Variants in MAP3K5 observed in about 807,000 individuals in gnomAD.
MAP3K5 encodes the protein ASK-1.
Under a neutral mutation model 158.7 loss-of-function variants are expected in MAP3K5, and 56 were observed. The ratio of observed to expected loss-of-function variants is 0.35; its 90% CI spans 0.28 to 0.44. The LOEUF is 0.44. Among genes scored for constraint, MAP3K5 ranks in the 20% least tolerant of loss-of-function variants. MAP3K5 has a pLI of 1.00. For synonymous variants in MAP3K5, 579 were observed against 601.7 expected, an observed-to-expected ratio of 0.96 and a Z score of 0.55; for missense variants, 1,294 against 1,674.8, an observed-to-expected ratio of 0.77 and a Z score of 3.97.
chr6:136,603,049 T>C (rs1190124303), intron 19 of MAP3K5, among the ~76,000 whole-genome samples: 3 of 152,158 alleles, frequency 2.0e-5, no homozygotes, highest in Non-Finnish European at 4.4e-5. Context: ...TGTAAATTCA[T>C]TGTAATATAA....
chr6:136,593,536 C>T (rs1468007477), intron 21 of MAP3K5, among the ~76,000 whole-genome samples: 1 of 152,078 alleles, frequency 6.6e-6, no homozygotes, highest in South Asian at 2.1e-4. Flanking sequence ...GAAAAGGAAA[C>T]AGGTCTGGAG....
chr6:136,595,864 G>T (rs1775603963), intron 21 of MAP3K5, among the ~76,000 whole-genome samples: 1 of 152,092 alleles, frequency 6.6e-6, no homozygotes, highest in African/African-American at 2.4e-5. Flanking sequence ...ACAAAAATTA[G>T]CCTGACATGG....
intron 3 of MAP3K5, among the ~76,000 whole-genome samples, chr6:136,703,096 T>A (rs1318213067): frequency 6.6e-6 from 1 of 152,192 alleles, no homozygotes; most frequent in Non-Finnish European, 1.5e-5. Context: ...AATAGAAGTG[T>A]GTGTTGAAAA....
chr6:136,766,178 G>T (rs1040789090), intron 1 of MAP3K5, among the ~76,000 whole-genome samples: 9 of 152,204 alleles, frequency 5.9e-5, no homozygotes, highest in African/African-American at 2.2e-4. Context: ...CTGGGGAGAA[G>T]TTGGAGACTG....
At position 136,592,556 on chromosome 6, in the gene MAP3K5, G is replaced by A; in HGVS notation, c.2937C>T (p.Ser979=). The A allele has an allele frequency of 6.2e-7, 1 of 1,612,606 alleles. No individual in the cohort carries two copies. The highest frequency in any genetic ancestry group is 2.2e-5 in the East Asian group (1 of 44,854). ...VPVLVEDTSS[S]SEYGSVSPDT... ...CGGGTGAAACTGAGCCGTACTCACT[G>A]CTGCTGCTGGTGTCCTCCACCAGCA... Residue 979 remains serine (S), a synonymous_variant, in exon 22 of 30, where the codon AGC becomes AGT. Coordinates refer to ENST00000359015, the MANE Select transcript of MAP3K5 (RefSeq NM_005923.4).
chr6:136,737,420 A>G (rs1170662466), intron 1 of MAP3K5, among the ~76,000 whole-genome samples: 1 of 152,200 alleles, frequency 6.6e-6, no homozygotes, highest in Admixed American at 6.5e-5. Context: ...AGCCACACAG[A>G]GATGAAGACA....
chr6:136,775,246 GGAA>G (rs1784360505), intron 1 of MAP3K5, among the ~76,000 whole-genome samples: 1 of 152,220 alleles, frequency 6.6e-6, no homozygotes, highest in African/African-American at 2.4e-5. Context: ...GCTGGATTCA[GGAA>G]GAAATTTACC....
At chr6:136,615,406 T>A (rs910345049) in intron 15 of MAP3K5, among the ~76,000 whole-genome samples, 3 of 152,220 alleles carry the variant, frequency 2.0e-5, no homozygotes, top group African/African-American at 7.2e-5. Flanking sequence ...CCAGCTCAGG[T>A]TGGCTGGGTG....
intron 1 of MAP3K5, among the ~76,000 whole-genome samples, chr6:136,751,018 T>TTA (rs1783182747): frequency 6.6e-6 from 1 of 152,204 alleles, no homozygotes; most frequent in South Asian, 2.1e-4. Flanking sequence ...TTCTCATGAC[T>TTA]TATAACCCCA....
In MAP3K5 at chr6:136,765,155, A is replaced by C. The variant is rs535155630; in HGVS notation, c.448+26555T>G. On this transcript the variant is annotated intron_variant, in intron 1 of 29. Transcript: ENST00000359015. ...CATCTAAAAGCCTCTTGGTAGATTC[A>C]TGCATCAGATAAGATGATGGGTTAT... is the stretch of plus-strand genomic sequence containing the variant. Among the ~76,000 whole-genome samples the C allele has an allele frequency of 6.6e-5, 10 of 152,368 alleles. No homozygotes were observed. In the South Asian group the frequency reaches 2.1e-3, roughly 32 times the overall value.
chr6:136,729,349 C>G (rs1782107693), intron 1 of MAP3K5, among the ~76,000 whole-genome samples: 1 of 152,220 alleles, frequency 6.6e-6, no homozygotes, highest in Non-Finnish European at 1.5e-5. Context: ...CTCGAACTCT[C>G]TGAGCTGTGG....
At chr6:136,769,812 G>GGAGGGAGGGAGGGAGGGGAC (rs1554317536) in intron 1 of MAP3K5, among the ~76,000 whole-genome samples, 1 of 35,680 alleles carries the variant, frequency 2.8e-5, no homozygotes, top group Admixed American at 3.1e-4. Context: ...AGGGAGGGAG[G>GGAGGGAGGGAGGGAGGGGAC]GGACGGGAGG....
chr6:136,574,286 T>C (rs1174139814), intron 25 of MAP3K5, among the ~76,000 whole-genome samples: 1 of 152,204 alleles, frequency 6.6e-6, no homozygotes, highest in Non-Finnish European at 1.5e-5. Context: ...ATCATAATAC[T>C]TGTGAGTGCA....
At chr6:136,595,933 C>A (rs1211563566) in intron 21 of MAP3K5, among the ~76,000 whole-genome samples, 3 of 152,058 alleles carry the variant, frequency 2.0e-5, no homozygotes, top group Admixed American at 6.6e-5. Flanking sequence ...TTGCTTGAAC[C>A]CAGGAGGCGG....
intron 7 of MAP3K5, among the ~76,000 whole-genome samples, chr6:136,677,915 C>T (rs1779774534): frequency 6.6e-6 from 1 of 152,206 alleles, no homozygotes; most frequent in Non-Finnish European, 1.5e-5. Flanking sequence ...TTGAATGAGA[C>T]ATTTCAGGCA....
rs149533804 is a variant in MAP3K5, at chr6:136,605,085, T to C, written c.2679+124A>G. On this transcript the variant is annotated intron_variant, in intron 19 of 29. Coordinates refer to ENST00000359015, the MANE Select transcript of MAP3K5 (RefSeq NM_005923.4). ...ACCGAGAGAGAATCTTCTTGACCTTTAATGTGTTCTAAGTTGTGTTTACTT... is the reference window on the plus strand; with the variant it reads ...ACCGAGAGAGAATCTTCTTGACCTTCAATGTGTTCTAAGTTGTGTTTACTT... The C allele has an allele frequency of 2.6e-5, 23 of 900,402 alleles. No individual in the cohort carries two copies. The East Asian group carries it at 5.0e-4, about 20-fold the overall frequency. The allele number at this position is 900,402 out of a possible 1,614,324, so 55.8% of individuals were successfully genotyped here.
chr6:136,782,383 T>C (rs946264889), intron 1 of MAP3K5, among the ~76,000 whole-genome samples: 3 of 152,142 alleles, frequency 2.0e-5, no homozygotes, highest in Non-Finnish European at 4.4e-5. Flanking sequence ...GACTTGGTTT[T>C]ATATGGCTTG....
chr6:136,603,448 G>A lies in MAP3K5; in HGVS notation c.2680-1469C>T, dbSNP rs983027477. ...CCGCCTCAGCCTCCCAAAGTGCTGG[G>A]ATTATAGGTGTGAGCCACCACGCTT... is the stretch of plus-strand genomic sequence containing the variant. On this transcript the variant is annotated intron_variant, in intron 19 of 29. Coordinates refer to ENST00000359015, the MANE Select transcript of MAP3K5 (RefSeq NM_005923.4). Among the ~76,000 whole-genome samples, 5 of 151,958 alleles carry A rather than the reference G, an allele frequency of 3.3e-5. No homozygotes were observed. In the South Asian group the frequency reaches 6.2e-4, roughly 19 times the overall value.
intron 10 of MAP3K5, among the ~76,000 whole-genome samples, chr6:136,653,246 T>C (rs538755860): frequency 6.6e-6 from 1 of 152,320 alleles, no homozygotes; most frequent in Admixed American, 6.5e-5. Flanking sequence ...ATTGAAGTGA[T>C]AAATGATGGT....
Sources: allele counts gnomAD v4.1 joint callset (sites outside exome capture counted in the v4.1 genomes callset), GRCh38; gene constraint gnomAD v4.1.1; transcripts MANE v1.5; gene names NCBI Gene and HGNC (gene_info 2026-07-23, HGNC 2026-07-21).